Variants in HAUS6 observed in about 807,000 individuals in gnomAD.
HAUS6 encodes HAUS augmin like complex subunit 6.
In HAUS6, 80 loss-of-function variants were observed where a neutral mutation model predicts 106.8. The ratio of observed to expected loss-of-function variants is 0.75; its 90% confidence interval spans 0.63 to 0.90. The LOEUF (loss-of-function observed/expected upper bound fraction) is 0.90, where lower values mean the gene tolerates loss of function less well. Among genes scored for constraint, HAUS6 ranks in the 40% least tolerant of loss-of-function variants. The pLI is 0.00. For missense variants in HAUS6, 1,155 were observed against 1,118.1 expected (o/e 1.03, Z -0.47); for synonymous variants, 356 against 379.1 (o/e 0.94, Z 0.71).
chr9:19,071,774 CTT>C (rs1459926443), intron 11 of HAUS6, among the ~76,000 whole-genome samples: 2 of 151,968 alleles, frequency 1.3e-5, no homozygotes, highest in Non-Finnish European at 2.9e-5. Flanking sequence ...CAGGGTTTCA[CTT>C]TATTGCCCAG....
chr9:19,080,559 T>G lies in HAUS6; in HGVS notation c.984A>C (p.Ala328=). 1 of 1,605,876 alleles carries G rather than the reference T, an allele frequency of 6.2e-7. No homozygotes were observed. The highest frequency in any genetic ancestry group is 8.5e-7 in the Non-Finnish European group (1 of 1,173,790). The change falls in exon 9 of 17, where the codon GCA becomes GCC. Residue 328 remains alanine, a synonymous_variant. Transcript: ENST00000380502. ...GGTAGTGAAGGTCTACCGTCAATCT[T>G]GCTTGATCAGCCTGACAACGTTCAT... ...MKYERCQADQ[A]RLTVDLHYLE...
intron 1 of HAUS6, 69 bp from the exon 2 acceptor site, chr9:19,096,838 G>T: frequency 2.9e-6 from 2 of 690,606 alleles, no homozygotes; most frequent in East Asian, 3.0e-5. Context: ...ATCAAAAGCT[G>T]AGTAAGACTT....
chr9:19,089,376 A>G (rs1817696915), intron 5 of HAUS6, 36 bp downstream of exon 5: 1 of 1,395,834 alleles, frequency 7.2e-7, no homozygotes, highest in Non-Finnish European at 1.0e-6. Flanking sequence ...GTTCAAAAGA[A>G]AGAAATTATT....
At chr9:19,061,980 T>A (rs1836633322) in intron 14 of HAUS6, among the ~76,000 whole-genome samples, 1 of 152,220 alleles carries the variant, frequency 6.6e-6, no homozygotes, top group African/African-American at 2.4e-5. Context: ...GTCTCAGGAA[T>A]AAAAAGTAAC....
intron 11 of HAUS6, among the ~76,000 whole-genome samples, 200 bp downstream of exon 11, chr9:19,076,402 G>A (rs150627239): frequency 5.5e-4 from 83 of 152,014 alleles, no homozygotes; most frequent in African/African-American, 2.0e-3. Context: ...GATGATGACT[G>A]CACAACATTG....
intron 8 of HAUS6, among the ~76,000 whole-genome samples, chr9:19,081,100 G>A (rs1434406073): frequency 7.9e-5 from 12 of 151,690 alleles, no homozygotes; most frequent in Non-Finnish European, 1.6e-4. Flanking sequence ...AAAAAGCGGG[G>A]GGAAAAAAAT....
chr9:19,062,885 C>G lies in HAUS6; in HGVS notation c.1629+123G>C, dbSNP rs140499780. ...TTCGCCATGTTGCCCATGCTGGTCT[C>G]GAACTTCTGGGCTCAAATGTTCCTC... On this transcript the variant is annotated intron_variant, in intron 14 of 16. Transcript: ENST00000380502. The G allele has an allele frequency of 2.2e-3, 1,631 of 751,926 alleles. 19 individuals are homozygous for G. In the African/African-American group the frequency reaches 0.027, roughly 12 times the overall value. 46.6% of individuals were successfully genotyped at this position (751,926 alleles called of 1,614,324 possible). A position where few individuals can be genotyped will look rare whatever the true frequency, so the allele number is the denominator to read the frequency against.
At chr9:19,070,820 T>A (rs1418905887) in intron 11 of HAUS6, among the ~76,000 whole-genome samples, 1 of 152,252 alleles carries the variant, frequency 6.6e-6, no homozygotes, top group Non-Finnish European at 1.5e-5. Context: ...TGTTATGTTA[T>A]ACTTCTACAG....
At position 19,080,631 on chromosome 9, in the gene HAUS6, G is replaced by C. The variant is rs1230944314; in HGVS notation, c.912C>G (p.Leu304=). 2 of 1,608,910 alleles carry C rather than the reference G, an allele frequency of 1.2e-6. No individual in the cohort carries two copies. Among genetic ancestry groups the C allele is most frequent in the Admixed American group, 1.7e-5 (1 of 59,734 alleles). ...CATTTAATAACTGAATAACTGTTAA[G>C]AGGTTCAGTTTTCCAGCCTCATAAA... is the stretch of plus-strand genomic sequence containing the variant. ...GNVYEAGKLN[L]LTVIQLLNEV... is the part of the protein sequence containing the mutation. Residue 304 remains leucine, a synonymous_variant, in exon 9 of 17, where the codon CTC becomes CTG. Transcript: ENST00000380502.
Position 19,058,998 on chromosome 9 carries a change from G to T in HAUS6, c.1769C>A (p.Thr590Asn). ...QIPRTPENLI[T>N]EIRSSWRKAI... is the part of the protein sequence containing the mutation. ...TTTTCTCCATGAGCTCCTAATTTCAGTTACTAATTAAAGGGGAGAAAAACA... is the reference window on the plus strand; with the variant it reads ...TTTTCTCCATGAGCTCCTAATTTCATTTACTAATTAAAGGGGAGAAAAACA... Residue 590 changes from threonine (T) to asparagine (N), a missense_variant, in exon 16 of 17, where the codon ACT (threonine) becomes AAT (asparagine). Around this residue, in one of 3 missense-constraint regions of HAUS6, gnomAD observed 761 missense variants for 690.0 expected, o/e 1.10. Transcript: ENST00000380502. The T allele has an allele frequency of 6.4e-7, 1 of 1,556,792 alleles. No homozygotes were observed. The highest frequency in any genetic ancestry group is 8.8e-7 in the Non-Finnish European group (1 of 1,132,896).
chr9:19,085,021 G>T (rs999058609), intron 7 of HAUS6, among the ~76,000 whole-genome samples: 1 of 151,942 alleles, frequency 6.6e-6, no homozygotes, highest in Non-Finnish European at 1.5e-5. Flanking sequence ...TTGAGCTCCT[G>T]GGCTCAAACA....
In HAUS6 at chr9:19,058,032, T is replaced by C. The variant is rs745442158; in HGVS notation, c.2735A>G (p.Lys912Arg). ...CAATCTTTGTTCCACTGGAGAAAACTTAATTAGTGGTGAAAGAGACCGTTT... is the reference window on the plus strand; with the variant it reads ...CAATCTTTGTTCCACTGGAGAAAACCTAATTAGTGGTGAAAGAGACCGTTT... ...ERKRSLSPLIKFSPVEQRLRT... is the reference protein window; with the variant it reads ...ERKRSLSPLIRFSPVEQRLRT... The change falls in exon 16 of 17, where the codon AAG becomes AGG. Residue 912 changes from lysine (K) to arginine (R), a missense_variant. By Grantham distance (26) the Lys-to-Arg change is conservative. This residue lies in a region of HAUS6 where 380 missense variants were observed against 394.8 expected (regional missense o/e 0.96). Transcript: ENST00000380502. 2 of 1,612,516 alleles carry C rather than the reference T, an allele frequency of 1.2e-6. No homozygotes were observed. Among genetic ancestry groups the C allele is most frequent in the Admixed American group, 3.3e-5 (2 of 60,012 alleles).
In HAUS6 at chr9:19,093,436, T is replaced by A; in HGVS notation, c.304-133A>T. The stretch of plus-strand genomic sequence containing the variant: ...CCACATTTTCATAAGTACTATGCTA[T>A]AGGTTGGCGTGGGGTTCCCTAGGAC... On this transcript the variant is annotated intron_variant, in intron 3 of 16. Coordinates refer to ENST00000380502, the MANE Select transcript of HAUS6 (RefSeq NM_017645.5). 6.3e-6 allele frequency: 5 copies of A among 795,410 alleles called. No homozygotes were observed. In the South Asian group the frequency reaches 8.4e-5, roughly 13 times the overall value. The allele number at this position is 795,410 out of a possible 1,614,324, so 49.3% of individuals were successfully genotyped here.
chr9:19,092,916 CAAAA>C (rs71494998), intron 4 of HAUS6, among the ~76,000 whole-genome samples: 4 of 76,232 alleles, frequency 5.2e-5, no homozygotes, highest in South Asian at 4.3e-4. Context: ...AACTGTGTCT[CAAAA>C]AAAAAAAAAA....
rs1217276300 is a variant in HAUS6 at position 19,076,639 on chromosome 9, T to C, written c.1257A>G (p.Ala419=). 1.6e-5 allele frequency: 26 copies of C among 1,591,262 alleles called. No homozygotes were observed. The highest frequency in any genetic ancestry group is 2.2e-5 in the Non-Finnish European group (26 of 1,160,586). Residue 419 remains alanine, a synonymous_variant, in exon 11 of 17, where the codon GCA becomes GCG. Transcript: ENST00000380502. ...SFDPASEEVY[A]KSILCQYPAS... ...CAGGATACTGACAAAGAATACTCTT[T>C]GCATACACTTCTTCTGAGGCAGGAT...
In HAUS6 at chr9:19,058,016, T is replaced by C. The variant is rs770931194; in HGVS notation, c.2751A>G (p.Glu917=). The change falls in exon 16 of 17, where the codon GAA becomes GAG. Residue 917 remains glutamate, a synonymous_variant. Transcript: ENST00000380502. The stretch of plus-strand genomic sequence containing the variant: ...ATGCTATTGTGGTTCTCAATCTTTG[T>C]TCCACTGGAGAAAACTTAATTAGTG... ...LSPLIKFSPV[E]QRLRTTIACS... is the part of the protein sequence containing the mutation. The C allele has an allele frequency of 1.1e-5, 17 of 1,612,078 alleles. No homozygotes were observed. In the East Asian group the frequency reaches 2.7e-4, roughly 25 times the overall value.
chr9:19,063,369 A>AAT (rs34834058), intron 13 of HAUS6, 145 bp downstream of exon 13: 258,454 of 643,050 alleles, frequency 0.4, 55,438 homozygotes, highest in African/African-American at 0.67. Flanking sequence ...AGCAATAAGG[A>AAT]ATATAAGTAG....
chr9:19,070,401 C>G, intron 11 of HAUS6, 101 bp from the exon 12 acceptor site: 1 of 673,622 alleles, frequency 1.5e-6, no homozygotes, highest in Non-Finnish European at 2.6e-6. Context: ...CAGAAGAAAA[C>G]AGAAAAACCA....
rs368054510 is a variant in HAUS6, at chr9:19,070,293, A to G, written c.1302T>C (p.His434=). 12 of 1,566,154 alleles carry G rather than the reference A, an allele frequency of 7.7e-6. No homozygotes were observed. In the African/African-American group the frequency reaches 1.5e-4, roughly 19 times the overall value. ...CQYPASLPDA[H]KQHNQENGCR... ...AACCATTTTCTTGGTTATGTTGCTT[A>G]TGTGCATCTAAAGAAATTTAAAAAT... The change falls in exon 12 of 17, where the codon CAT becomes CAC. Residue 434 remains histidine, a synonymous_variant. Coordinates refer to ENST00000380502, the MANE Select transcript of HAUS6 (RefSeq NM_017645.5).
Sources: allele counts gnomAD v4.1 joint callset (sites outside exome capture counted in the v4.1 genomes callset), GRCh38; gene constraint gnomAD v4.1.1; regional missense constraint gnomAD v4.1.1; transcripts MANE v1.5; gene names NCBI Gene and HGNC (gene_info 2026-07-23, HGNC 2026-07-21).